The following RAPGEF4 variants were observed in gnomAD, a reference collection of about 807,000 sequenced individuals.
RAPGEF4 encodes the protein RAP guanine-nucleotide-exchange factor (GEF) 4.
RAPGEF4 carries 66 observed loss-of-function variants against 147.9 expected under a neutral mutation model. The observed-to-expected ratio is 0.45, with a 90% CI of 0.37 to 0.55. The LOEUF is 0.55. Ranked by LOEUF, RAPGEF4 falls within the 20% of genes least tolerant of loss-of-function variation. The pLI is 0.00. For synonymous variants in RAPGEF4, 419 were observed against 442.7 expected (o/e 0.95, Z 0.67); for missense variants, 1,071 against 1,257.3 (o/e 0.85, Z 2.24).
intron 12 of RAPGEF4, among the ~76,000 whole-genome samples, chr2:172,986,494 G>A (rs1015125172): frequency 2.6e-5 from 4 of 152,064 alleles, no homozygotes; most frequent in African/African-American, 9.7e-5. Context: ...TTCTTCAAAT[G>A]TTCAAGGCTT....
At chr2:172,956,520 A>T (rs984029045) in intron 6 of RAPGEF4, among the ~76,000 whole-genome samples, 16 of 143,778 alleles carry the variant, frequency 1.1e-4, no homozygotes, top group Admixed American at 2.9e-4. Context: ...CCCAGGCTGG[A>T]GTGCAGTGGC....
intron 4 of RAPGEF4, chr2:172,821,841 G>C (rs1356659803): frequency 9.5e-6 from 14 of 1,472,524 alleles, no homozygotes; most frequent in Non-Finnish European, 1.3e-5. Context: ...TGTGGACTGA[G>C]AGCCACTCAG....
Position 172,855,665 on chromosome 2 carries a change from T to C in RAPGEF4, c.444+41240T>C, listed in dbSNP as rs573701000. Among the ~76,000 whole-genome samples the C allele has an allele frequency of 2.6e-5, 4 of 152,334 alleles. No individual in the cohort carries two copies. The South Asian group carries it at 8.3e-4, about 32-fold the overall frequency. ...TTTTGTTTTTCTGAAAATGTCTTCA[T>C]TGGCCTCCAATGTTGAAGAATATTT... On this transcript the variant is annotated intron_variant, in intron 4 of 30. Coordinates refer to ENST00000397081, the MANE Select transcript of RAPGEF4 (RefSeq NM_007023.4).
chr2:172,885,855 A>T (rs1434946733), intron 4 of RAPGEF4, among the ~76,000 whole-genome samples: 1 of 152,140 alleles, frequency 6.6e-6, no homozygotes, highest in Non-Finnish European at 1.5e-5. Flanking sequence ...AATGCAAATT[A>T]ACCAAGTGCC....
At chr2:172,952,246 T>C (rs536882511) in intron 6 of RAPGEF4, among the ~76,000 whole-genome samples, 1 of 152,260 alleles carries the variant, frequency 6.6e-6, no homozygotes, top group East Asian at 1.9e-4. Flanking sequence ...TAAGTGCCAG[T>C]CCATGAAAGT....
In RAPGEF4 at chr2:172,833,432, C is replaced by G. The variant is rs75913717; in HGVS notation, c.444+19007C>G. On this transcript the variant is annotated intron_variant, in intron 4 of 30. Coordinates refer to ENST00000397081, the MANE Select transcript of RAPGEF4 (RefSeq NM_007023.4). ...ACTCTAGAAAGTCTGAAGCAATTTT[C>G]ACTCTCCACAACAGTGTAGGAGTAT... Among the ~76,000 whole-genome samples, 134 of 152,296 alleles carry G rather than the reference C, an allele frequency of 8.8e-4. 1 individual carries two copies. The highest frequency in any genetic ancestry group is 6.8e-3 in the Middle Eastern group (2 of 294).
intron 12 of RAPGEF4, among the ~76,000 whole-genome samples, chr2:172,985,936 C>T (rs1692203770): frequency 6.6e-6 from 1 of 152,152 alleles, no homozygotes; most frequent in South Asian, 2.1e-4. Context: ...CTCTCACTTC[C>T]ACTTTAAGCT....
chr2:173,019,331 T>C (rs555362690), intron 22 of RAPGEF4, among the ~76,000 whole-genome samples: 1 of 152,264 alleles, frequency 6.6e-6, no homozygotes, highest in African/African-American at 2.4e-5. Flanking sequence ...TGGTGCATTT[T>C]TGAAATGTCA....
Position 172,961,140 on chromosome 2 carries a change from C to A in RAPGEF4, c.610C>A (p.Leu204Ile), listed in dbSNP as rs201933844. 2.2e-4 allele frequency: 353 copies of A among 1,611,396 alleles called. No homozygotes were observed. Among genetic ancestry groups the A allele is most frequent in the Non-Finnish European group, 2.8e-4 (324 of 1,177,508 alleles). Residue 204 changes from leucine (L) to isoleucine (I), a missense_variant, in exon 8 of 31, where the codon CTC becomes ATC. Transcript: ENST00000397081. The stretch of plus-strand genomic sequence containing the variant: ...AATCCAGGTCCCTTCAGAGAAGATC[C>A]TCAGAGCTGGAAAAATTTTACGAAA... The part of the protein sequence containing the change: ...TITKVPSEKI[L>I]RAGKILRNAI...
chr2:172,973,329 T>C (rs1371582281), intron 10 of RAPGEF4, among the ~76,000 whole-genome samples: 1 of 152,100 alleles, frequency 6.6e-6, no homozygotes, highest in Non-Finnish European at 1.5e-5. Context: ...CCTAGGCTGG[T>C]CTTGAACTCC....
intron 4 of RAPGEF4, among the ~76,000 whole-genome samples, chr2:172,916,761 T>A (rs1486017145): frequency 6.6e-6 from 1 of 152,232 alleles, no homozygotes; most frequent in Non-Finnish European, 1.5e-5. Context: ...CAAACGCCAT[T>A]CAAATCTACC....
intron 4 of RAPGEF4, among the ~76,000 whole-genome samples, chr2:172,873,966 A>G (rs901056902): frequency 4.0e-4 from 61 of 152,366 alleles, no homozygotes; most frequent in Non-Finnish European, 5.3e-4. Context: ...ACCACTGGTC[A>G]TTAGAGAACT....
intron 4 of RAPGEF4, among the ~76,000 whole-genome samples, chr2:172,881,506 A>G (rs1324029513): frequency 2.0e-5 from 3 of 152,258 alleles, no homozygotes; most frequent in Non-Finnish European, 2.9e-5. Context: ...CTTGAATTCA[A>G]CATAATGCCA....
chr2:172,987,226 C>A (rs1055890547), intron 12 of RAPGEF4, among the ~76,000 whole-genome samples: 1 of 152,050 alleles, frequency 6.6e-6, no homozygotes, highest in African/African-American at 2.4e-5. Flanking sequence ...CTCTTAGGCC[C>A]AGGAGGTCAA....
At chr2:172,859,869 T>C (rs972086942) in intron 4 of RAPGEF4, among the ~76,000 whole-genome samples, 1 of 152,190 alleles carries the variant, frequency 6.6e-6, no homozygotes, top group Admixed American at 6.5e-5. Context: ...ACAGTCTTGC[T>C]GGACCTATCC....
chr2:173,029,485 A>T (rs767216452), intron 25 of RAPGEF4, among the ~76,000 whole-genome samples: 2 of 151,440 alleles, frequency 1.3e-5, no homozygotes, highest in Non-Finnish European at 2.9e-5. Context: ...TTTTTTCCAC[A>T]TGTCTCATTC....
chr2:172,894,483 C>A (rs1698269262), intron 4 of RAPGEF4: 1 of 152,202 alleles, frequency 6.6e-6, no homozygotes. Context: ...TTACACTTTT[C>A]TTTCTGATTT....
At chr2:173,023,595 C>T (rs535117558) in intron 23 of RAPGEF4, among the ~76,000 whole-genome samples, 2 of 152,248 alleles carry the variant, frequency 1.3e-5, no homozygotes, top group Non-Finnish European at 2.9e-5. Flanking sequence ...CTTGGTGAGC[C>T]CTGCCCACTG....
chr2:173,014,671 A>C lies in RAPGEF4; in HGVS notation c.1809+57A>C, dbSNP rs1162927674. On this transcript the variant is annotated intron_variant, in intron 18 of 30. Coordinates refer to ENST00000397081, the MANE Select transcript of RAPGEF4 (RefSeq NM_007023.4). Reference sequence around the variant, plus strand: ...CTGTTGTCCTGCAATACAGGGACCTACTTATAGGCTCAGCAGCTTCCCTGG... The same window carrying C: ...CTGTTGTCCTGCAATACAGGGACCTCCTTATAGGCTCAGCAGCTTCCCTGG... 4 of 1,536,536 alleles carry C rather than the reference A, an allele frequency of 2.6e-6. No individual in the cohort carries two copies. The East Asian group carries it at 9.3e-5, about 36-fold the overall frequency.
Sources: gnomAD v4.1 joint callset for allele counts (sites outside exome capture counted in the v4.1 genomes callset) on GRCh38, gnomAD v4.1.1 for gene constraint, MANE v1.5 for transcripts, NCBI Gene and HGNC (gene_info 2026-07-23, HGNC 2026-07-21) for gene names.